Variants in MALRD1 observed in about 807,000 individuals in gnomAD.
MALRD1 encodes the protein MAM and LDL-receptor class A domain-containing protein 1.
In MALRD1, 247 loss-of-function variants were observed where a neutral mutation model predicts 242.1. That is an observed-to-expected ratio of 1.02 (90% CI 0.92 to 1.13). The LOEUF is 1.13. MALRD1 is among the 50% of genes most tolerant of loss of function. The pLI, the probability that MALRD1 is intolerant of heterozygous loss-of-function variation, is 0.00. For synonymous variants in MALRD1, 995 were observed against 866.6 expected, an observed-to-expected ratio of 1.15 and a Z score of -2.60; for missense variants, 2,989 against 2,533.1, an observed-to-expected ratio of 1.18 and a Z score of -3.86.
intron 28 of MALRD1, among the ~76,000 whole-genome samples, chr10:19,392,588 C>T (rs1303015951): frequency 6.6e-6 from 1 of 152,138 alleles, no homozygotes; most frequent in African/African-American, 2.4e-5. Flanking sequence ...TACCATATTA[C>T]CTATTTCTGT....
chr10:19,233,871 T>C (rs895437716), intron 18 of MALRD1, among the ~76,000 whole-genome samples: 2 of 152,042 alleles, frequency 1.3e-5, no homozygotes, highest in African/African-American at 2.4e-5. Flanking sequence ...GGGGGAGTGT[T>C]GCATTTGTAT....
At chr10:19,664,784 T>G (rs1159192565) in intron 36 of MALRD1, among the ~76,000 whole-genome samples, 1 of 152,124 alleles carries the variant, frequency 6.6e-6, no homozygotes. Context: ...AATATGTTTG[T>G]GTATCTTTAC....
intron 38 of MALRD1, chr10:19,722,590 T>TTAAAAAAAAAAAAAAAAAAA (rs1834813946): frequency 2.2e-5 from 1 of 45,366 alleles, no homozygotes; most frequent in African/African-American, 1.2e-4. Flanking sequence ...ACCATGTCTC[T>TTAAAAAAAAAAAAAAAAAAA]AAAAAAAAAA....
chr10:19,421,537 C>T (rs1284862874), intron 28 of MALRD1, among the ~76,000 whole-genome samples: 2 of 152,000 alleles, frequency 1.3e-5, no homozygotes, highest in African/African-American at 4.8e-5. Context: ...ATAATTATGC[C>T]CCAGTTAGAG....
chr10:19,060,263 A>G (rs1269157063), intron 1 of MALRD1, among the ~76,000 whole-genome samples: 3 of 152,180 alleles, frequency 2.0e-5, no homozygotes, highest in African/African-American at 4.8e-5. Flanking sequence ...TACAGCAGTA[A>G]GAGGAGCTCA....
chr10:19,372,913 A>G (rs993980431), intron 26 of MALRD1, among the ~76,000 whole-genome samples: 3 of 152,174 alleles, frequency 2.0e-5, no homozygotes, highest in East Asian at 1.9e-4. Context: ...TCTCAAGACT[A>G]CAAGATTACT....
intron 11 of MALRD1, among the ~76,000 whole-genome samples, chr10:19,150,558 C>A (rs558388399): frequency 6.6e-6 from 1 of 152,122 alleles, no homozygotes; most frequent in Non-Finnish European, 1.5e-5. Context: ...CCTGTGTTTC[C>A]CCTCTGCACA....
intron 14 of MALRD1, among the ~76,000 whole-genome samples, chr10:19,181,628 T>C (rs566040808): frequency 6.6e-6 from 1 of 152,098 alleles, no homozygotes; most frequent in Non-Finnish European, 1.5e-5. Context: ...AGAGATGTAA[T>C]GTACAACGTG....
At chr10:19,462,209 T>G (rs923138418) in intron 29 of MALRD1, among the ~76,000 whole-genome samples, 2 of 152,190 alleles carry the variant, frequency 1.3e-5, no homozygotes, top group Non-Finnish European at 2.9e-5. Flanking sequence ...ATTTTTCAAA[T>G]GCAAACCAAC....
intron 38 of MALRD1, among the ~76,000 whole-genome samples, chr10:19,699,213 A>G (rs1441679631): frequency 6.6e-6 from 1 of 151,254 alleles, no homozygotes; most frequent in African/African-American, 2.4e-5. Flanking sequence ...TATAATAATA[A>G]TAATAATAAT....
At chr10:19,137,144 G>A (rs1833372141) in intron 10 of MALRD1, among the ~76,000 whole-genome samples, 1 of 152,084 alleles carries the variant, frequency 6.6e-6, no homozygotes, top group African/African-American at 2.4e-5. Flanking sequence ...AACTTTTATT[G>A]TGTATGCTTT....
chr10:19,392,650 T>C (rs1448132736), intron 28 of MALRD1, among the ~76,000 whole-genome samples: 2 of 152,160 alleles, frequency 1.3e-5, no homozygotes, highest in Non-Finnish European at 2.9e-5. Flanking sequence ...GAGATGTAAC[T>C]GAAACAAATG....
chr10:19,435,572 T>A (rs769531548), intron 28 of MALRD1, among the ~76,000 whole-genome samples: 17 of 152,274 alleles, frequency 1.1e-4, no homozygotes, highest in South Asian at 4.1e-4. Context: ...ATGCTTTTTT[T>A]AAAATGAATA....
At chr10:19,486,349 G>A (rs551655643) in intron 29 of MALRD1, among the ~76,000 whole-genome samples, 3 of 152,132 alleles carry the variant, frequency 2.0e-5, no homozygotes, top group Admixed American at 6.5e-5. Flanking sequence ...CTTTGTTGTG[G>A]TCTAAGCTCC....
intron 2 of MALRD1, among the ~76,000 whole-genome samples, chr10:19,071,943 C>T (rs1413432566): frequency 2.0e-5 from 3 of 152,168 alleles, no homozygotes; most frequent in Non-Finnish European, 2.9e-5. Flanking sequence ...TCCGCATGCT[C>T]TTCCAGGACC....
chr10:19,400,034 G>C (rs1352397132), intron 28 of MALRD1, among the ~76,000 whole-genome samples: 2 of 152,136 alleles, frequency 1.3e-5, no homozygotes, highest in African/African-American at 4.8e-5. Flanking sequence ...TGAGTTTCCA[G>C]CTCCTTCCCA....
Position 19,375,900 on chromosome 10 carries a change from G to A in MALRD1, c.4442-11628G>A, listed in dbSNP as rs150861539. Among the ~76,000 whole-genome samples the A allele has an allele frequency of 1.7e-3, 263 of 152,294 alleles. 1 individual carries two copies. Among genetic ancestry groups the A allele is most frequent in the African/African-American group, 6.0e-3 (250 of 41,562 alleles). The stretch of plus-strand genomic sequence containing the variant: ...GCACTTTGGGAGGCCGAAGCAGGTG[G>A]ATCACAAGGTCAACAGATCGAGACC... On this transcript the variant is annotated intron_variant, in intron 26 of 39. Transcript: ENST00000454679.
chr10:19,293,896 G>C (rs12771534), intron 21 of MALRD1, among the ~76,000 whole-genome samples: 19,824 of 152,090 alleles, frequency 0.13, 1,317 homozygotes, highest in South Asian at 0.16. Flanking sequence ...ATGTACCCCT[G>C]AACCTAAATG....
intron 36 of MALRD1, among the ~76,000 whole-genome samples, chr10:19,670,619 G>C (rs756052227): frequency 3.3e-5 from 5 of 152,142 alleles, no homozygotes; most frequent in Non-Finnish European, 7.3e-5. Flanking sequence ...CTTCTTGAAA[G>C]AGTTGACCAC....
Sources: gnomAD v4.1 joint callset for allele counts (sites outside exome capture counted in the v4.1 genomes callset) on GRCh38, gnomAD v4.1.1 for gene constraint, MANE v1.5 for transcripts, NCBI Gene and HGNC (gene_info 2026-07-23, HGNC 2026-07-21) for gene names.